KLHL32: variants seen among roughly 807,000 people sequenced by gnomAD.
KLHL32 encodes kelch like family member 32.
A neutral mutation model predicts 64.8 loss-of-function variants in KLHL32; 35 were observed. The ratio of observed to expected loss-of-function variants is 0.54; its 90% confidence interval spans 0.41 to 0.72. The LOEUF (loss-of-function observed/expected upper bound fraction) is 0.72. KLHL32 is among the 30% of genes least tolerant of loss of function. KLHL32 has a pLI of 0.00. For missense variants in KLHL32, 589 were observed against 768.5 expected (o/e 0.77, Z 2.76); for synonymous variants, 259 against 281.0 (o/e 0.92, Z 0.78).
At chr6:96,980,590 T>C (rs149140796) in intron 3 of KLHL32, among the ~76,000 whole-genome samples, 161 of 152,260 alleles carry the variant, frequency 1.1e-3, no homozygotes, top group African/African-American at 3.7e-3. Context: ...TTTTTACATT[T>C]ATGTTCATCA....
At chr6:97,016,488 T>C (rs4839704) in intron 3 of KLHL32, among the ~76,000 whole-genome samples, 12,448 of 152,214 alleles carry the variant, frequency 0.082, 1,061 homozygotes, top group Admixed American at 0.22. Flanking sequence ...TTTCTCACTT[T>C]TGGAACGAGT....
chr6:97,119,728 A>G (rs1177171246), intron 7 of KLHL32, among the ~76,000 whole-genome samples: 2 of 152,208 alleles, frequency 1.3e-5, no homozygotes, highest in African/African-American at 4.8e-5. Context: ...ACAACTTTCC[A>G]ATTAACAGTC....
chr6:96,915,350 T>G, the KLHL32 span, among the ~76,000 whole-genome samples: 1 of 152,100 alleles, frequency 6.6e-6, no homozygotes, highest in East Asian at 1.9e-4. Context: ...ACCCTCCAAA[T>G]GGGCAAGATA....
At chr6:96,916,268 G>A in the KLHL32 span, among the ~76,000 whole-genome samples, 13 of 152,164 alleles carry the variant, frequency 8.5e-5, no homozygotes, top group Non-Finnish European at 1.9e-4. Flanking sequence ...CCAAAACTCA[G>A]ATATTGTTAT....
chr6:96,948,748 G>A (rs1772213011), intron 1 of KLHL32, among the ~76,000 whole-genome samples: 2 of 151,992 alleles, frequency 1.3e-5, no homozygotes, highest in Admixed American at 1.3e-4. Context: ...CACTGTGATG[G>A]ATTTGACAGC....
intron 6 of KLHL32, among the ~76,000 whole-genome samples, chr6:97,090,123 G>A (rs913463566): frequency 6.6e-6 from 1 of 152,144 alleles, no homozygotes; most frequent in African/African-American, 2.4e-5. Flanking sequence ...TGTAGTGTTT[G>A]CATTACCTAC....
intron 4 of KLHL32, among the ~76,000 whole-genome samples, chr6:97,051,924 A>G (rs1363108973): frequency 6.6e-6 from 1 of 152,168 alleles, no homozygotes; most frequent in Non-Finnish European, 1.5e-5. Flanking sequence ...ATTTAGGAGA[A>G]ATTTTACACA....
At chr6:97,091,495 T>G (rs1252675055) in intron 6 of KLHL32, among the ~76,000 whole-genome samples, 1 of 152,038 alleles carries the variant, frequency 6.6e-6, no homozygotes, top group Non-Finnish European at 1.5e-5. Context: ...ACCAACAGGG[T>G]CCTGCTGTCA....
chr6:96,917,648 G>T, the KLHL32 span, among the ~76,000 whole-genome samples: 1 of 152,108 alleles, frequency 6.6e-6, no homozygotes, highest in Non-Finnish European at 1.5e-5. Flanking sequence ...GGCCTCCTCT[G>T]GTATTCAGGC....
chr6:96,917,554 A>G, the KLHL32 span, among the ~76,000 whole-genome samples: 4 of 152,322 alleles, frequency 2.6e-5, no homozygotes, highest in Non-Finnish European at 4.4e-5. Flanking sequence ...TTCTTGTTCA[A>G]TACCTCAAAT....
At chr6:96,901,726 C>T in the KLHL32 span, among the ~76,000 whole-genome samples, 78 of 152,238 alleles carry the variant, frequency 5.1e-4, no homozygotes, top group African/African-American at 1.8e-3. Flanking sequence ...TGATTCTCTC[C>T]CTCCTCCCAC....
At position 97,051,500 on chromosome 6, in the gene KLHL32, C is replaced by T. The variant is rs547204365; in HGVS notation, c.312+9901C>T. On this transcript the variant is annotated intron_variant, in intron 4 of 10. Transcript: ENST00000369261. ...CCTAGTTAACTCAGTGGGTTTTGCA[C>T]TTCTGTGCACCTGTTTCTTCTGAAT... Among the ~76,000 whole-genome samples the T allele has an allele frequency of 1.2e-4, 18 of 152,306 alleles. No homozygotes were observed. The South Asian group carries it at 3.7e-3, about 32-fold the overall frequency.
At chr6:96,931,242 T>C (rs2127990506) in intron 1 of KLHL32, among the ~76,000 whole-genome samples, 1 of 152,338 alleles carries the variant, frequency 6.6e-6, no homozygotes, top group South Asian at 2.1e-4. Flanking sequence ...ACCTCACTCA[T>C]TCCCTGTTCC....
chr6:97,056,400 C>A lies in KLHL32; in HGVS notation c.313-8228C>A, dbSNP rs557502456. Reference sequence around the variant, plus strand: ...GATTACAAACGTGAGCCACCAGGCCCGGCCCACCAGCCTGCCTATTCTCTC... The same window carrying A: ...GATTACAAACGTGAGCCACCAGGCCAGGCCCACCAGCCTGCCTATTCTCTC... On this transcript the variant is annotated intron_variant, in intron 4 of 10. Transcript: ENST00000369261. Among the ~76,000 whole-genome samples, 16 of 152,164 alleles carry A rather than the reference C, an allele frequency of 1.1e-4. 1 individual carries two copies. The East Asian group carries it at 2.1e-3, about 20-fold the overall frequency.
At chr6:97,097,256 C>G (rs561559870) in intron 6 of KLHL32, among the ~76,000 whole-genome samples, 5 of 152,326 alleles carry the variant, frequency 3.3e-5, no homozygotes, top group African/African-American at 1.2e-4. Flanking sequence ...ACTCCTCCAT[C>G]ACCGAGCTGT....
At chr6:96,929,915 TGATAA>T (rs1188556304) in intron 1 of KLHL32, among the ~76,000 whole-genome samples, 1 of 152,190 alleles carries the variant, frequency 6.6e-6, no homozygotes, top group Non-Finnish European at 1.5e-5. Flanking sequence ...GTCACCAACC[TGATAA>T]GATAATTTTT....
Position 97,056,348 on chromosome 6 carries a change from T to TCAC in KLHL32, c.313-8279_313-8278insACC, listed in dbSNP as rs1562287682. 2.6e-5 allele frequency among the ~76,000 whole-genome samples: 4 copies of TCAC among 151,976 alleles called. No individual in the cohort carries two copies. In the East Asian group the frequency reaches 7.7e-4, roughly 29 times the overall value. Reference sequence around the variant, plus strand: ...TCTTGATCTCCTGACCTCGTGATCCTCCCGCCTTGGCCTCCCAAAGTGCTG... The same window carrying TCAC: ...TCTTGATCTCCTGACCTCGTGATCCTCACCCCGCCTTGGCCTCCCAAAGTGCTG... On this transcript the variant is annotated intron_variant, in intron 4 of 10. Transcript: ENST00000369261.
intron 3 of KLHL32, among the ~76,000 whole-genome samples, chr6:97,018,715 A>G (rs1781583058): frequency 1.3e-5 from 2 of 152,342 alleles, no homozygotes; most frequent in South Asian, 4.1e-4. Flanking sequence ...TATGCTATAA[A>G]GTAGAATTCA....
At chr6:96,976,631 T>G (rs1296315555) in intron 3 of KLHL32, among the ~76,000 whole-genome samples, 1 of 152,246 alleles carries the variant, frequency 6.6e-6, no homozygotes, top group African/African-American at 2.4e-5. Flanking sequence ...AAAGTCTCGC[T>G]CTTTCACCCA....
Sources: gnomAD v4.1 joint callset for allele counts (sites outside exome capture counted in the v4.1 genomes callset) on GRCh38, gnomAD v4.1.1 for gene constraint, MANE v1.5 for transcripts, NCBI Gene and HGNC (gene_info 2026-07-23, HGNC 2026-07-21) for gene names.